ZNF609: variants seen among roughly 807,000 people sequenced by gnomAD.
ZNF609 encodes zinc finger protein 609.
In ZNF609, 11 loss-of-function variants were observed where a neutral mutation model predicts 109.5. That is an observed-to-expected ratio of 0.10 (90% CI 0.06 to 0.17). The LOEUF is 0.17. Among genes scored for constraint, ZNF609 ranks in the 10% least tolerant of loss-of-function variants. The pLI is 1.00. For missense variants in ZNF609, 1,559 were observed against 1,772.4 expected (o/e 0.88, Z 2.16); for synonymous variants, 646 against 662.0 (o/e 0.98, Z 0.37).
chr15:64,463,912 G>C (rs985490607), intron 1 of ZNF609, among the ~76,000 whole-genome samples: 2 of 152,198 alleles, frequency 1.3e-5, no homozygotes, highest in Non-Finnish European at 2.9e-5. Flanking sequence ...AGTGAAGGCA[G>C]AAGCCTCAGA....
chr15:64,675,571 C>G lies in ZNF609; in HGVS notation c.2717C>G (p.Ser906Cys). 6.2e-7 allele frequency: 1 copy of G among 1,614,180 alleles called. No individual in the cohort carries two copies. The highest frequency in any genetic ancestry group is 8.5e-7 in the Non-Finnish European group (1 of 1,180,032). Reference sequence around the variant, plus strand: ...TACTATTCTCCAAGTTATGCACAGTCCAGCCCTGGGGCTCTGAACCCCAGC... The same window carrying G: ...TACTATTCTCCAAGTTATGCACAGTGCAGCCCTGGGGCTCTGAACCCCAGC... ...ESYYSPSYAQSSPGALNPSSQ... is the reference protein window; with the variant it reads ...ESYYSPSYAQCSPGALNPSSQ... The change falls in exon 5 of 10, where the codon TCC becomes TGC. Residue 906 changes from serine to cysteine, a missense_variant. Coordinates refer to ENST00000326648, the MANE Select transcript of ZNF609 (RefSeq NM_015042.2).
chr15:64,598,150 T>C (rs546749619), intron 2 of ZNF609, among the ~76,000 whole-genome samples: 37 of 152,346 alleles, frequency 2.4e-4, no homozygotes, highest in African/African-American at 8.4e-4. Flanking sequence ...AGTCTCGCTC[T>C]GTCACCCAGG....
At chr15:64,625,523 AAAG>A (rs1446178268) in intron 3 of ZNF609, among the ~76,000 whole-genome samples, 1 of 152,168 alleles carries the variant, frequency 6.6e-6, no homozygotes, top group Non-Finnish European at 1.5e-5. Context: ...GTCTCAAAAA[AAAG>A]AAAAATATAT....
At chr15:64,484,008 T>A (rs1161615407) in intron 1 of ZNF609, among the ~76,000 whole-genome samples, 1 of 151,532 alleles carries the variant, frequency 6.6e-6, no homozygotes, top group East Asian at 1.9e-4. Context: ...GTTAATCAAA[T>A]ATTAACAAGT....
intron 2 of ZNF609, chr15:64,593,351 G>A (rs1475841949): frequency 1.7e-5 from 20 of 1,145,296 alleles, no homozygotes; most frequent in East Asian, 4.7e-5. Flanking sequence ...AAAGACTGAA[G>A]ACAGGCTATT....
At chr15:64,486,596 T>C (rs943792635) in intron 1 of ZNF609, among the ~76,000 whole-genome samples, 1 of 152,088 alleles carries the variant, frequency 6.6e-6, no homozygotes, top group Non-Finnish European at 1.5e-5. Context: ...CTATGAACTT[T>C]GTATTAAAAG....
At chr15:64,617,033 C>T (rs1361241545) in intron 2 of ZNF609, among the ~76,000 whole-genome samples, 1 of 151,426 alleles carries the variant, frequency 6.6e-6, no homozygotes, top group Non-Finnish European at 1.5e-5. Context: ...GTCTTGAACT[C>T]CTGGCCTCAG....
chr15:64,658,072 A>C (rs554967643), intron 3 of ZNF609, among the ~76,000 whole-genome samples: 3 of 152,228 alleles, frequency 2.0e-5, no homozygotes, highest in Non-Finnish European at 4.4e-5. Flanking sequence ...CAGCATGAAG[A>C]TAGCAGCAGC....
At chr15:64,667,765 T>G (rs1373066205) in intron 3 of ZNF609, among the ~76,000 whole-genome samples, 1 of 151,870 alleles carries the variant, frequency 6.6e-6, no homozygotes, top group Admixed American at 6.6e-5. Context: ...TAAGTGGGGC[T>G]GAATCTGTGG....
At chr15:64,481,876 C>T (rs1293567163) in intron 1 of ZNF609, among the ~76,000 whole-genome samples, 3 of 152,158 alleles carry the variant, frequency 2.0e-5, no homozygotes, top group Admixed American at 2.0e-4. Flanking sequence ...CCTCCACCTC[C>T]TGGGTTCAAG....
intron 2 of ZNF609, among the ~76,000 whole-genome samples, chr15:64,548,886 G>T (rs1375492538): frequency 6.6e-6 from 1 of 152,100 alleles, no homozygotes; most frequent in African/African-American, 2.4e-5. Context: ...AATTATAAAT[G>T]AAATCTTTTA....
intron 1 of ZNF609, among the ~76,000 whole-genome samples, chr15:64,475,251 A>C (rs981293239): frequency 1.3e-5 from 2 of 151,392 alleles, no homozygotes; most frequent in Non-Finnish European, 2.9e-5. Context: ...CCATTCCTTC[A>C]ACTTAGCAAA....
At chr15:64,514,008 CTT>C (rs1198224216) in intron 2 of ZNF609, among the ~76,000 whole-genome samples, 4 of 151,114 alleles carry the variant, frequency 2.6e-5, no homozygotes, top group African/African-American at 9.7e-5. Context: ...GGAAGGATCA[CTT>C]GAGCCCGGGA....
Position 64,574,171 on chromosome 15 carries a change from A to ATT in ZNF609, c.748-48632_748-48631dup, listed in dbSNP as rs71133443. 5.0e-3 allele frequency among the ~76,000 whole-genome samples: 455 copies of ATT among 90,924 alleles called. 2 individuals carry two copies. Among genetic ancestry groups the ATT allele is most frequent in the African/African-American group, 0.018 (347 of 19,518 alleles). 59.6% of individuals were successfully genotyped at this position (90,924 alleles called of 152,430 possible). A position where few individuals can be genotyped will look rare whatever the true frequency, so the allele number is the denominator to read the frequency against. ...AGCTTTTATTTCTCTTTCATGCTGGATTTTTTTTTTTTTTTTTTTTTTTTT... is the reference window on the plus strand; with the variant it reads ...AGCTTTTATTTCTCTTTCATGCTGGATTTTTTTTTTTTTTTTTTTTTTTTTTT... On this transcript the variant is annotated intron_variant, in intron 2 of 9. Coordinates refer to ENST00000326648, the MANE Select transcript of ZNF609 (RefSeq NM_015042.2).
chr15:64,489,945 G>C (rs1178944780), intron 1 of ZNF609, among the ~76,000 whole-genome samples: 1 of 151,554 alleles, frequency 6.6e-6, no homozygotes, highest in Non-Finnish European at 1.5e-5. Context: ...AGGCATGGCA[G>C]AGCTTATTTT....
Position 64,674,549 on chromosome 15 carries a change from T to C in ZNF609, c.1695T>C (p.Ala565=), listed in dbSNP as rs1268047334. 1.2e-6 allele frequency: 2 copies of C among 1,614,116 alleles called. No homozygotes were observed. Among genetic ancestry groups the C allele is most frequent in the South Asian group, 1.1e-5 (1 of 91,078 alleles). ...QKGSLSPARS[A]TPKVRLVEPH... is the part of the protein sequence containing the mutation. ...GTTCCTTGTCCCCTGCCCGCTCAGC[T>C]ACCCCCAAAGTTCGACTTGTAGAGC... The change falls in exon 5 of 10, where the codon GCT becomes GCC. Residue 565 remains alanine (A), a synonymous_variant. Transcript: ENST00000326648.
rs1328593918 is a variant in ZNF609, at chr15:64,625,100, C to T, written c.973+2048C>T. 2.6e-5 allele frequency among the ~76,000 whole-genome samples: 4 copies of T among 152,134 alleles called. No individual in the cohort carries two copies. The East Asian group carries it at 7.7e-4, about 29-fold the overall frequency. On this transcript the variant is annotated intron_variant, in intron 3 of 9. Coordinates refer to ENST00000326648, the MANE Select transcript of ZNF609 (RefSeq NM_015042.2). ...GTACTCTATACTTTATTTCATAGCA[C>T]ACATCACAGTTTGCAACTTTGTTTA...
At chr15:64,478,423 T>C (rs1246621341) in intron 1 of ZNF609, among the ~76,000 whole-genome samples, 2 of 152,056 alleles carry the variant, frequency 1.3e-5, no homozygotes, top group Non-Finnish European at 2.9e-5. Flanking sequence ...CAGGCTGTGG[T>C]GCATTGTTGC....
chr15:64,628,729 G>C (rs146885981), intron 3 of ZNF609, among the ~76,000 whole-genome samples: 1 of 152,062 alleles, frequency 6.6e-6, no homozygotes, highest in East Asian at 2.0e-4. Flanking sequence ...GGGTTCAAGC[G>C]ATTCTCCTGC....
Sources: gnomAD v4.1 joint callset for allele counts (sites outside exome capture counted in the v4.1 genomes callset) on GRCh38, gnomAD v4.1.1 for gene constraint, MANE v1.5 for transcripts, NCBI Gene and HGNC (gene_info 2026-07-23, HGNC 2026-07-21) for gene names.